FSTL1: variants seen among roughly 807,000 people sequenced by gnomAD.
FSTL1 encodes the protein follistatin like 1.
In FSTL1, 24 loss-of-function variants were observed where a neutral mutation model predicts 45.9. That is an observed-to-expected ratio of 0.52 (90% CI 0.38 to 0.74). The LOEUF is 0.74. Ranked by LOEUF, FSTL1 falls within the 30% of genes least tolerant of loss-of-function variation. The pLI, the probability that FSTL1 is intolerant of heterozygous loss-of-function variation, is 0.00. For synonymous variants in FSTL1, 120 were observed against 137.6 expected (o/e 0.87, Z 0.89); for missense variants, 340 against 381.8 (o/e 0.89, Z 0.91).
chr3:120,424,831 G>C (rs1187696476), intron 2 of FSTL1, among the ~76,000 whole-genome samples: 1 of 152,086 alleles, frequency 6.6e-6, no homozygotes, highest in Non-Finnish European at 1.5e-5. Context: ...AAGGTGTCCC[G>C]TGAGGGTGGG....
chr3:120,413,113 T>C (rs1234056065), intron 3 of FSTL1, among the ~76,000 whole-genome samples: 2 of 152,166 alleles, frequency 1.3e-5, no homozygotes, highest in East Asian at 1.9e-4. Context: ...TTCAGTTTCT[T>C]TGGACTTCTA....
intron 2 of FSTL1, among the ~76,000 whole-genome samples, chr3:120,429,791 C>T (rs1363208168): frequency 6.6e-6 from 1 of 152,228 alleles, no homozygotes; most frequent in Non-Finnish European, 1.5e-5. Context: ...ATGGGACCAT[C>T]TTTGCTTCTA....
At position 120,399,887 on chromosome 3, in the gene FSTL1, T is replaced by C. The variant is rs748295626; in HGVS notation, c.878A>G (p.His293Arg). 2 of 1,602,076 alleles carry C rather than the reference T, an allele frequency of 1.2e-6. No homozygotes were observed. The highest frequency in any genetic ancestry group is 2.2e-5 in the East Asian group (1 of 44,762). ...AGCACGGAGGCTGCCACTCACCTGA[T>C]GCTTTTGGAGCTCCTGGACATATCT... ...MTRYVQELQK[H>R]QETAEKTKRV... Residue 293 changes from histidine to arginine, a missense_variant, in exon 10 of 11, where the codon CAT becomes CGT. Physicochemically the swap from His to Arg is conservative, Grantham distance 29. Coordinates refer to ENST00000295633, the MANE Select transcript of FSTL1 (RefSeq NM_007085.5).
At chr3:120,412,994 G>A (rs996000801) in intron 3 of FSTL1, among the ~76,000 whole-genome samples, 4 of 152,106 alleles carry the variant, frequency 2.6e-5, no homozygotes, top group Non-Finnish European at 4.4e-5. Context: ...GGTTGCCTGG[G>A]TCTTTGTGAA....
chr3:120,412,031 ACACAGACACACACACACACATACATG>A, intron 3 of FSTL1, 48 bp from the exon 4 acceptor site: 1 of 1,487,980 alleles, frequency 6.7e-7, no homozygotes, highest in Non-Finnish European at 9.3e-7. Context: ...GGATATCGAC[ACACAGACACACACACACACATACATG>A]CACACACACA....
At chr3:120,417,064 G>T (rs972860434) in intron 2 of FSTL1, among the ~76,000 whole-genome samples, 2 of 152,158 alleles carry the variant, frequency 1.3e-5, no homozygotes, top group Admixed American at 6.5e-5. Context: ...AATCACGAAA[G>T]ACCTCCAGAC....
chr3:120,401,409 C>T (rs999720311), intron 9 of FSTL1, among the ~76,000 whole-genome samples: 2 of 152,108 alleles, frequency 1.3e-5, no homozygotes, highest in African/African-American at 4.8e-5. Flanking sequence ...ACCAGTGATA[C>T]CTTAGATAGT....
chr3:120,396,462 T>G lies in FSTL1; in HGVS notation c.*490A>C. 1 of 156,756 alleles carries G rather than the reference T, an allele frequency of 6.4e-6. No individual in the cohort carries two copies. Among genetic ancestry groups the G allele is most frequent in the Admixed American group, 6.3e-5 (1 of 15,904 alleles). 9.7% of individuals were successfully genotyped at this position (156,756 alleles called of 1,614,324 possible). A position where few individuals can be genotyped will look rare whatever the true frequency, so the allele number is the denominator to read the frequency against. ...AGTATGGCTATGTATCTAGAGGCAG[T>G]TATTGGGACCAAGAGATGCGTGGAT... On this transcript the variant is annotated 3_prime_UTR_variant, in exon 11 of 11. Coordinates refer to ENST00000295633, the MANE Select transcript of FSTL1 (RefSeq NM_007085.5).
chr3:120,415,866 G>A lies in FSTL1; in HGVS notation c.168+57C>T, dbSNP rs577353354. 385 of 978,894 alleles carry A rather than the reference G, an allele frequency of 3.9e-4. 1 individual carries two copies. In the African/African-American group the frequency reaches 5.4e-3, roughly 14 times the overall value. The allele number at this position is 978,894 out of a possible 1,614,324, so 60.6% of individuals were successfully genotyped here. On this transcript the variant is annotated intron_variant, in intron 3 of 10. Coordinates refer to ENST00000295633, the MANE Select transcript of FSTL1 (RefSeq NM_007085.5). ...GCACTGCCTGCTGATGGGTGGCTCC[G>A]CAAGGTACCACATTGGCCTTGGCCA...
At chr3:120,434,524 A>C (rs928688148) in intron 2 of FSTL1, among the ~76,000 whole-genome samples, 7 of 152,200 alleles carry the variant, frequency 4.6e-5, no homozygotes, top group Non-Finnish European at 1.5e-5. Context: ...CTAGCCTTGA[A>C]ATATTTATGG....
intron 9 of FSTL1, among the ~76,000 whole-genome samples, chr3:120,401,786 T>C (rs1170244520): frequency 6.6e-6 from 1 of 152,188 alleles, no homozygotes; most frequent in East Asian, 1.9e-4. Flanking sequence ...CTCGCTATGT[T>C]GGCAAGGCTG....
intron 2 of FSTL1, among the ~76,000 whole-genome samples, chr3:120,426,860 C>T (rs571932527): frequency 2.6e-5 from 4 of 152,258 alleles, no homozygotes; most frequent in African/African-American, 9.6e-5. Flanking sequence ...TCTGTGGGCT[C>T]CTCACTTCGA....
At chr3:120,442,491 A>G (rs1445871330) in intron 2 of FSTL1, among the ~76,000 whole-genome samples, 2 of 152,218 alleles carry the variant, frequency 1.3e-5, no homozygotes, top group East Asian at 3.9e-4. Flanking sequence ...TGAAAAAGAC[A>G]GAGTTAGGCC....
In FSTL1 at chr3:120,396,022, C is replaced by T; in HGVS notation, c.*930G>A. On this transcript the variant is annotated 3_prime_UTR_variant, in exon 11 of 11. Transcript: ENST00000295633. ...TTCTTCCCCTGGCTTCGGTCTAAGG[C>T]ACCCTTGCTCCTCTGGCAGATAGTG... is the stretch of plus-strand genomic sequence containing the variant. 3.9e-6 allele frequency: 1 copy of T among 257,064 alleles called. No individual in the cohort carries two copies. Among genetic ancestry groups the T allele is most frequent in the Non-Finnish European group, 7.4e-6 (1 of 134,292 alleles). The allele number at this position is 257,064 out of a possible 1,614,324, so 15.9% of individuals were successfully genotyped here. A position where few individuals can be genotyped will look rare whatever the true frequency, so the allele number is the denominator to read the frequency against.
intron 5 of FSTL1, 193 bp downstream of exon 5, chr3:120,410,759 T>A (rs772064628): frequency 1.5e-6 from 1 of 688,730 alleles, no homozygotes; most frequent in Non-Finnish European, 2.7e-6. Context: ...ACCAGCTGCT[T>A]CAATTGGCAA....
chr3:120,410,262 G>A, intron 5 of FSTL1: 1 of 170,660 alleles, frequency 5.9e-6, no homozygotes, highest in South Asian at 1.4e-4. Flanking sequence ...TGAGTGGATG[G>A]GGAAGCAGAG....
At chr3:120,434,543 G>A (rs545317825) in intron 2 of FSTL1, among the ~76,000 whole-genome samples, 1 of 152,238 alleles carries the variant, frequency 6.6e-6, no homozygotes, top group East Asian at 1.9e-4. Flanking sequence ...GGCCTTTTTT[G>A]AAATGGTGTT....
At chr3:120,403,219 T>A in intron 8 of FSTL1, 23 bp downstream of exon 8, 1 of 1,283,974 alleles carries the variant, frequency 7.8e-7, no homozygotes. Flanking sequence ...ACTACAGCTC[T>A]CTATTTCTTA....
At chr3:120,408,158 G>A (rs1194147806) in intron 6 of FSTL1, among the ~76,000 whole-genome samples, 2 of 152,200 alleles carry the variant, frequency 1.3e-5, no homozygotes, top group African/African-American at 4.8e-5. Context: ...CTCAGCTTTT[G>A]AACAGTCACT....
Sources: allele counts gnomAD v4.1 joint callset (sites outside exome capture counted in the v4.1 genomes callset), GRCh38; gene constraint gnomAD v4.1.1; transcripts MANE v1.5; gene names NCBI Gene and HGNC (gene_info 2026-07-23, HGNC 2026-07-21).